The following PRH1 variants were observed in gnomAD, a reference collection of about 807,000 sequenced individuals.
PRH1 encodes the protein salivary acidic proline-rich phosphoprotein 1/2.
Under a neutral mutation model 7.9 loss-of-function variants are expected in PRH1, and 7 were observed. The observed-to-expected ratio is 0.89, with a 90% CI of 0.50 to 1.67. The LOEUF (loss-of-function observed/expected upper bound fraction) is 1.67, where lower values mean the gene tolerates loss of function less well. Among genes scored for constraint, PRH1 ranks in the 40% most tolerant of loss-of-function variants. The probability of loss-of-function intolerance (pLI) is 0.00; values close to 1 mark genes in which losing one functional copy is unlikely to be tolerated. For synonymous variants in PRH1, 45 were observed against 80.8 expected (o/e 0.56, Z 2.38); for missense variants, 109 against 223.6 (o/e 0.49, Z 3.27).
At chr12:10,982,473 G>A (rs1167684209) in intron 1 of PRH1, among the ~76,000 whole-genome samples, 1 of 152,168 alleles carries the variant, frequency 6.6e-6, no homozygotes, top group African/African-American at 2.4e-5. Flanking sequence ...CACTTTGTAT[G>A]CGGCTTTTGA....
intron 2 of PRH1, among the ~76,000 whole-genome samples, chr12:10,929,620 G>T (rs1349781444): frequency 2.0e-5 from 3 of 152,182 alleles, no homozygotes. Flanking sequence ...TATGGAGAAT[G>T]CAAGACAGAT....
chr12:10,994,884 AT>A, intron 1 of PRH1, among the ~76,000 whole-genome samples: 1 of 152,238 alleles, frequency 6.6e-6, no homozygotes, highest in East Asian at 1.9e-4. Context: ...TAGAAAAGAT[AT>A]GTGCACTTAT....
chr12:10,886,633 G>A (rs145815700), upstream of PRH1, among the ~76,000 whole-genome samples: 5 of 152,280 alleles, frequency 3.3e-5, no homozygotes, highest in East Asian at 9.6e-4. Flanking sequence ...GCAGCCCTCA[G>A]CACCACACTT....
At chr12:11,000,191 T>A (rs988955637) in intron 1 of PRH1, among the ~76,000 whole-genome samples, 2 of 152,144 alleles carry the variant, frequency 1.3e-5, no homozygotes, top group Admixed American at 6.6e-5. Flanking sequence ...TTTGCATATA[T>A]CTTATCAATA....
rs76961112 is a variant in PRH1, at chr12:11,089,322, A to G, written n.124-42134T>C. On this transcript the variant is annotated intron_variant and non_coding_transcript_variant, in intron 1 of 4. Transcript: ENST00000541977. Reference sequence around the variant, plus strand: ...TGCCTCAAGGAAACCCTGACCAATAAGAAATAGAAGACTAATGACAGCCGA... The same window carrying G: ...TGCCTCAAGGAAACCCTGACCAATAGGAAATAGAAGACTAATGACAGCCGA... 4.7e-4 allele frequency among the ~76,000 whole-genome samples: 55 copies of G among 116,220 alleles called. 12 individuals are homozygous for G. The highest frequency in any genetic ancestry group is 1.6e-3 in the African/African-American group (54 of 34,688). 76.2% of individuals were successfully genotyped at this position (116,220 alleles called of 152,430 possible).
At chr12:11,154,574 A>T (rs1238368769) in intron 1 of PRH1, among the ~76,000 whole-genome samples, 1 of 152,194 alleles carries the variant, frequency 6.6e-6, no homozygotes, top group Non-Finnish European at 1.5e-5. Flanking sequence ...GGTTAGGGCC[A>T]GAACTTCACT....
intron 1 of PRH1, chr12:11,030,832 C>G: frequency 6.2e-7 from 1 of 1,614,188 alleles, no homozygotes; most frequent in Non-Finnish European, 8.5e-7. Flanking sequence ...CTGCACTCCT[C>G]AATTTGATCT....
chr12:10,919,860 A>G (rs1335418591), intron 2 of PRH1, among the ~76,000 whole-genome samples: 1 of 151,016 alleles, frequency 6.6e-6, no homozygotes, highest in Non-Finnish European at 1.5e-5. Flanking sequence ...TTTTTTTGAG[A>G]CACGGTCTTG....
upstream of PRH1, among the ~76,000 whole-genome samples, chr12:10,888,714 T>C (rs941964709): frequency 2.0e-5 from 3 of 152,238 alleles, no homozygotes; most frequent in Non-Finnish European, 4.4e-5. Context: ...ATCCGTATAA[T>C]TTTTGAGTGT....
At chr12:10,925,993 A>T (rs553094607) in intron 2 of PRH1, among the ~76,000 whole-genome samples, 1 of 152,352 alleles carries the variant, frequency 6.6e-6, no homozygotes, top group Non-Finnish European at 1.5e-5. Flanking sequence ...ATGTTTAAAA[A>T]TGTTTTCTAT....
intron 1 of PRH1, among the ~76,000 whole-genome samples, chr12:11,114,905 A>C (rs1319539421): frequency 1.3e-5 from 2 of 152,200 alleles, no homozygotes; most frequent in Non-Finnish European, 1.5e-5. Context: ...TGGATACACA[A>C]ACATAAAAAG....
chr12:10,911,464 A>G (rs1394157926), intron 2 of PRH1, among the ~76,000 whole-genome samples: 1 of 152,340 alleles, frequency 6.6e-6, no homozygotes, highest in Non-Finnish European at 1.5e-5. Context: ...AGGGAGCATC[A>G]CAGAAAAACT....
chr12:11,057,003 C>T (rs1044550434), intron 1 of PRH1, among the ~76,000 whole-genome samples: 6 of 147,480 alleles, frequency 4.1e-5, no homozygotes, highest in African/African-American at 1.2e-4. Context: ...TAAGAACTTT[C>T]ACTTTTTTTT....
intron 1 of PRH1, among the ~76,000 whole-genome samples, chr12:10,984,896 T>C (rs1939527667): frequency 6.6e-6 from 1 of 152,066 alleles, no homozygotes; most frequent in Admixed American, 6.5e-5. Flanking sequence ...ATAGATGCCA[T>C]TTTAACATTT....
intron 1 of PRH1, among the ~76,000 whole-genome samples, chr12:11,149,887 A>T (rs1947008755): frequency 7.2e-6 from 1 of 138,254 alleles, no homozygotes; most frequent in Non-Finnish European, 1.6e-5. Flanking sequence ...CAGGCAACCT[A>T]CAGAATGGGA....
At chr12:10,942,496 G>A (rs547714319) in intron 2 of PRH1, among the ~76,000 whole-genome samples, 4 of 152,220 alleles carry the variant, frequency 2.6e-5, no homozygotes, top group African/African-American at 7.2e-5. Flanking sequence ...GTGAGAGAAC[G>A]CTGGCAGTCA....
At chr12:10,881,239 C>T (rs1949395304) in intron 3 of PRH1, among the ~76,000 whole-genome samples, 183 bp from the exon 4 acceptor site, 1 of 152,168 alleles carries the variant, frequency 6.6e-6, no homozygotes, top group Non-Finnish European at 1.5e-5. Flanking sequence ...AGCCATTGCA[C>T]ATAATGTGAT....
At chr12:11,168,219 A>G (rs1476267144) in intron 1 of PRH1, among the ~76,000 whole-genome samples, 2 of 5,272 alleles carry the variant, frequency 3.8e-4, no homozygotes, top group South Asian at 0.011. Flanking sequence ...GAAAGAAGAA[A>G]GAAAGAAAGA....
chr12:10,955,649 T>C (rs1315620988), intron 2 of PRH1, among the ~76,000 whole-genome samples: 1 of 151,616 alleles, frequency 6.6e-6, no homozygotes, highest in Non-Finnish European at 1.5e-5. Context: ...GGATTTGATG[T>C]TTTTAAAAAA....
Sources: gnomAD v4.1 joint callset for allele counts (sites outside exome capture counted in the v4.1 genomes callset) on GRCh38, gnomAD v4.1.1 for gene constraint, MANE v1.5 for transcripts, NCBI Gene and HGNC (gene_info 2026-07-23, HGNC 2026-07-21) for gene names.